BMP2K: variants seen among roughly 807,000 people sequenced by gnomAD.
BMP2K encodes the protein BMP2 inducible kinase, also known as BMP-2-inducible protein kinase.
In BMP2K, 74 loss-of-function variants were observed where a neutral mutation model predicts 116.0. The observed-to-expected ratio is 0.64, with a 90% CI of 0.53 to 0.77. BMP2K has a LOEUF of 0.77. BMP2K is among the 30% of genes least tolerant of loss of function. The pLI is 0.00. For synonymous variants in BMP2K, 486 were observed against 502.5 expected (o/e 0.97, Z 0.44); for missense variants, 1,365 against 1,403.6 (o/e 0.97, Z 0.44).
At chr4:78,804,235 C>T (rs1728709325) in intron 1 of BMP2K, among the ~76,000 whole-genome samples, 1 of 152,080 alleles carries the variant, frequency 6.6e-6, no homozygotes. Context: ...GCCTCCTGTG[C>T]CTGGCTTCTT....
rs1180351378 is a variant in BMP2K at position 78,915,843 on chromosome 4, AAG to A, written c.*3812_*3813del. On this transcript the variant is annotated 3_prime_UTR_variant, in exon 16 of 16. Transcript: ENST00000502613. ...TTAAAATTTATACTGCTACTTTTGAAAGAATTGTTTTTATGACTATGCTCTTT... is the reference window on the plus strand; with the variant it reads ...TTAAAATTTATACTGCTACTTTTGAAAATTGTTTTTATGACTATGCTCTTT... The A allele has an allele frequency of 7.2e-5, 11 of 151,890 alleles. No homozygotes were observed. Among genetic ancestry groups the A allele is most frequent in the African/African-American group, 2.7e-4 (11 of 41,394 alleles). 9.4% of individuals were successfully genotyped at this position (151,890 alleles called of 1,614,324 possible).
intron 15 of BMP2K, among the ~76,000 whole-genome samples, chr4:78,890,508 G>A (rs1457424334): frequency 6.6e-6 from 1 of 151,948 alleles, no homozygotes; most frequent in African/African-American, 2.4e-5. Flanking sequence ...TTTTTAATAT[G>A]TAAATATTTG....
At position 78,806,966 on chromosome 4, in the gene BMP2K, C is replaced by T. The variant is rs182651719; in HGVS notation, c.179-19071C>T. On this transcript the variant is annotated intron_variant, in intron 1 of 15. Transcript: ENST00000502613. ...CAGGTTCAAGCAATTCTTCCTGCAT[C>T]AGCTTCCCGAGTAGCTGGGATTACA... Among the ~76,000 whole-genome samples the T allele has an allele frequency of 2.5e-3, 378 of 151,930 alleles. 3 individuals carry two copies. Among genetic ancestry groups the T allele is most frequent in the African/African-American group, 8.6e-3 (355 of 41,454 alleles).
chr4:78,869,023 G>A (rs1442362338), intron 10 of BMP2K, among the ~76,000 whole-genome samples: 1 of 152,204 alleles, frequency 6.6e-6, no homozygotes, highest in African/African-American at 2.4e-5. Flanking sequence ...CCCCAGTAGA[G>A]ACTCTTTGTG....
chr4:78,838,960 T>C (rs1239278082), intron 3 of BMP2K, among the ~76,000 whole-genome samples: 1 of 152,202 alleles, frequency 6.6e-6, no homozygotes, highest in Non-Finnish European at 1.5e-5. Flanking sequence ...ATTTATATTA[T>C]TGTATGAATA....
At chr4:78,892,529 G>A (rs1733493701) in intron 15 of BMP2K, among the ~76,000 whole-genome samples, 1 of 151,964 alleles carries the variant, frequency 6.6e-6, no homozygotes, top group Non-Finnish European at 1.5e-5. Context: ...GACTTTATCT[G>A]CTCTTTATTT....
intron 2 of BMP2K, among the ~76,000 whole-genome samples, chr4:78,828,656 C>T (rs1035245320): frequency 2.6e-5 from 4 of 152,132 alleles, no homozygotes; most frequent in African/African-American, 4.8e-5. Flanking sequence ...TTGGGAGTTA[C>T]GAACCAGGAA....
chr4:78,798,950 A>G (rs994137722), intron 1 of BMP2K, among the ~76,000 whole-genome samples: 1 of 152,244 alleles, frequency 6.6e-6, no homozygotes, highest in East Asian at 1.9e-4. Flanking sequence ...GACCGTGCTG[A>G]CACACATGGA....
Position 78,913,599 on chromosome 4 carries a change from C to G in BMP2K, c.*1566C>G, listed in dbSNP as rs1340049919. The G allele has an allele frequency of 1.3e-5, 2 of 152,134 alleles. No homozygotes were observed. Among genetic ancestry groups the G allele is most frequent in the Admixed American group, 6.6e-5 (1 of 15,258 alleles). The allele number at this position is 152,134 out of a possible 1,614,324, so 9.4% of individuals were successfully genotyped here. A position where few individuals can be genotyped will look rare whatever the true frequency, so the allele number is the denominator to read the frequency against. On this transcript the variant is annotated 3_prime_UTR_variant, in exon 16 of 16. Transcript: ENST00000502613. ...ATTTTAAATTAACTCTCTTCGATCT[C>G]AAAGTATATTTTACGAGTAATTTTA...
intron 12 of BMP2K, 177 bp from the exon 13 acceptor site, chr4:78,872,437 A>G: frequency 1.9e-6 from 1 of 529,436 alleles, no homozygotes; most frequent in Non-Finnish European, 3.2e-6. Context: ...CTTTTTAAAA[A>G]GATTTATTTC....
At chr4:78,890,823 A>T (rs1448327177) in intron 15 of BMP2K, among the ~76,000 whole-genome samples, 1 of 152,118 alleles carries the variant, frequency 6.6e-6, no homozygotes, top group Non-Finnish European at 1.5e-5. Flanking sequence ...AGCTCTTCTC[A>T]TCCTTTTTCT....
intron 13 of BMP2K, among the ~76,000 whole-genome samples, chr4:78,875,718 T>G (rs1001168634): frequency 3.3e-5 from 5 of 152,204 alleles, no homozygotes; most frequent in Non-Finnish European, 5.9e-5. Context: ...TGATAAAGGA[T>G]GTAATTTACA....
At chr4:78,846,149 G>A (rs997401171) in intron 5 of BMP2K, among the ~76,000 whole-genome samples, 2 of 151,556 alleles carry the variant, frequency 1.3e-5, no homozygotes, top group Non-Finnish European at 3.0e-5. Flanking sequence ...TGAAGTATAA[G>A]GTTCAATTGA....
In BMP2K at chr4:78,911,270, A is replaced by G; in HGVS notation, c.2723A>G (p.Asn908Ser). The part of the protein sequence containing the change: ...FTKAPFSKKV[N>S]VQECHAVGPE... ...AAGGCGCCTTTTAGCAAGAAGGTGA[A>G]TGTACAAGAATGCCATGCAGTGGGG... Residue 908 changes from asparagine to serine, a missense_variant, in exon 16 of 16, where the codon AAT (asparagine) becomes AGT (serine). Around this residue, in one of 3 missense-constraint regions of BMP2K, gnomAD observed 596 missense variants for 623.2 expected, o/e 0.96. Coordinates refer to ENST00000502613, the MANE Select transcript of BMP2K (RefSeq NM_198892.2). 6 of 1,614,002 alleles carry G rather than the reference A, an allele frequency of 3.7e-6. No individual in the cohort carries two copies. The highest frequency in any genetic ancestry group is 5.1e-6 in the Non-Finnish European group (6 of 1,179,884).
chr4:78,888,703 G>A (rs932292856), intron 15 of BMP2K, among the ~76,000 whole-genome samples: 1 of 152,194 alleles, frequency 6.6e-6, no homozygotes, highest in African/African-American at 2.4e-5. Context: ...CATGTTCACA[G>A]GTTTGAGCTC....
chr4:78,829,753 A>ATCTTT (rs775196460), intron 2 of BMP2K, among the ~76,000 whole-genome samples: 1,989 of 121,380 alleles, frequency 0.016, 56 homozygotes, highest in East Asian at 0.028. Flanking sequence ...CATGGAAACA[A>ATCTTT]TCTTTTCTTT....
intron 1 of BMP2K, among the ~76,000 whole-genome samples, chr4:78,777,975 T>G (rs28689013): frequency 0.019 from 2,878 of 152,338 alleles, 86 homozygotes; most frequent in African/African-American, 0.062. Context: ...TTCAGAAGAA[T>G]GAATATGTGG....
At position 78,915,732 on chromosome 4, in the gene BMP2K, C is replaced by G. The variant is rs941629177; in HGVS notation, c.*3699C>G. 2.6e-5 allele frequency: 4 copies of G among 151,860 alleles called. No individual in the cohort carries two copies. The highest frequency in any genetic ancestry group is 9.7e-5 in the African/African-American group (4 of 41,398). The allele number at this position is 151,860 out of a possible 1,614,324, so 9.4% of individuals were successfully genotyped here. On this transcript the variant is annotated 3_prime_UTR_variant, in exon 16 of 16. Coordinates refer to ENST00000502613, the MANE Select transcript of BMP2K (RefSeq NM_198892.2). ...AATCATATCTAAGAGAACATTCACTCCTAGTGAGGGTTTACAAAAGCTACT... is the reference window on the plus strand; with the variant it reads ...AATCATATCTAAGAGAACATTCACTGCTAGTGAGGGTTTACAAAAGCTACT...
intron 5 of BMP2K, among the ~76,000 whole-genome samples, chr4:78,845,647 T>C (rs1730964247): frequency 6.6e-6 from 1 of 151,694 alleles, no homozygotes; most frequent in African/African-American, 2.4e-5. Context: ...TTTCTACTTT[T>C]AGAAAATGGA....
Sources: gnomAD v4.1 joint callset for allele counts (sites outside exome capture counted in the v4.1 genomes callset) on GRCh38, gnomAD v4.1.1 for gene constraint, gnomAD v4.1.1 regional missense constraint, MANE v1.5 for transcripts, NCBI Gene and HGNC (gene_info 2026-07-23, HGNC 2026-07-21) for gene names.